Variants in RAB11FIP4 observed in about 807,000 individuals in gnomAD.
RAB11FIP4 encodes the protein rab11 family-interacting protein 4.
A neutral mutation model predicts 74.3 loss-of-function variants in RAB11FIP4; 23 were observed. The ratio of observed to expected loss-of-function variants is 0.31; its 90% CI spans 0.22 to 0.44. RAB11FIP4 has a LOEUF of 0.44. Ranked by LOEUF, RAB11FIP4 falls within the 20% of genes least tolerant of loss-of-function variation. RAB11FIP4 has a pLI of 1.00. For missense variants in RAB11FIP4, 630 were observed against 863.9 expected (o/e 0.73, Z 3.39); for synonymous variants, 360 against 359.9 (o/e 1.00, Z 0.00).
intron 3 of RAB11FIP4, among the ~76,000 whole-genome samples, chr17:31,439,013 C>A (rs570713026): frequency 2.0e-5 from 3 of 152,162 alleles, no homozygotes; most frequent in African/African-American, 4.8e-5. Context: ...TCTGCCCCAG[C>A]CCAAAGGAGA....
chr17:31,481,512 A>T (rs1050138957), intron 3 of RAB11FIP4, among the ~76,000 whole-genome samples: 2 of 152,038 alleles, frequency 1.3e-5, no homozygotes, highest in Non-Finnish European at 2.9e-5. Context: ...CAAGTCTGGG[A>T]GGAGGTGGGG....
chr17:31,462,524 T>G (rs1364982866), intron 3 of RAB11FIP4, among the ~76,000 whole-genome samples: 2 of 152,220 alleles, frequency 1.3e-5, no homozygotes, highest in Non-Finnish European at 2.9e-5. Context: ...CGAGGTCTCA[T>G]AGCTGGCTGG....
intron 1 of RAB11FIP4, among the ~76,000 whole-genome samples, chr17:31,396,247 G>T (rs932825669): frequency 1.3e-4 from 19 of 151,734 alleles, no homozygotes; most frequent in African/African-American, 4.4e-4. Flanking sequence ...GAGGGATGGG[G>T]GCACACCACT....
At chr17:31,455,884 G>A (rs1391667547) in intron 3 of RAB11FIP4, among the ~76,000 whole-genome samples, 1 of 152,156 alleles carries the variant, frequency 6.6e-6, no homozygotes, top group Admixed American at 6.5e-5. Flanking sequence ...CACCTTCAGG[G>A]CTGACGCTCC....
rs2072753448 is a variant in RAB11FIP4 at position 31,525,661 on chromosome 17, C to G, written c.1274+431C>G. Reference sequence around the variant, plus strand: ...TCATTGGAACGTGACGCAGGCGGGACAAGGAGCAGCCCCGGGCCAGGGATC... The same window carrying G: ...TCATTGGAACGTGACGCAGGCGGGAGAAGGAGCAGCCCCGGGCCAGGGATC... On this transcript the variant is annotated intron_variant, in intron 10 of 14. Transcript: ENST00000621161. 3 of 184,320 alleles carry G rather than the reference C, an allele frequency of 1.6e-5. No individual in the cohort carries two copies. In the South Asian group the frequency reaches 3.0e-4, roughly 19 times the overall value. The allele number at this position is 184,320 out of a possible 1,614,324, so 11.4% of individuals were successfully genotyped here.
chr17:31,395,161 C>A (rs1235578705), intron 1 of RAB11FIP4, among the ~76,000 whole-genome samples: 4 of 151,902 alleles, frequency 2.6e-5, no homozygotes, highest in Admixed American at 6.6e-5. Flanking sequence ...TTTGCAAAAA[C>A]CAAAATATAC....
intron 3 of RAB11FIP4, among the ~76,000 whole-genome samples, chr17:31,486,983 T>A (rs1042691547): frequency 6.6e-6 from 1 of 152,076 alleles, no homozygotes; most frequent in African/African-American, 2.4e-5. Context: ...TGTGTGTGCA[T>A]GTGTGGGTGT....
chr17:31,475,342 C>T (rs1362863181), intron 3 of RAB11FIP4, among the ~76,000 whole-genome samples: 3 of 152,144 alleles, frequency 2.0e-5, no homozygotes, highest in Non-Finnish European at 2.9e-5. Context: ...TGGTGCGCTT[C>T]AAACCTGACT....
chr17:31,397,766 G>C (rs1048351708), intron 1 of RAB11FIP4, among the ~76,000 whole-genome samples: 2 of 152,206 alleles, frequency 1.3e-5, no homozygotes, highest in African/African-American at 2.4e-5. Flanking sequence ...ACGAGTCCTA[G>C]CTGGGGCACC....
At chr17:31,428,020 A>C (rs568112751) in intron 1 of RAB11FIP4, among the ~76,000 whole-genome samples, 2 of 152,200 alleles carry the variant, frequency 1.3e-5, no homozygotes, top group Non-Finnish European at 2.9e-5. Flanking sequence ...AGGTTCAGGG[A>C]GGTTCACAGA....
rs181422720 is a variant in RAB11FIP4, at chr17:31,489,141, T to C, written c.337-28510T>C. On this transcript the variant is annotated intron_variant, in intron 3 of 14. Coordinates refer to ENST00000621161, the MANE Select transcript of RAB11FIP4 (RefSeq NM_032932.6). ...GAGGTCTGGGTCCTGTCTCTGCACTTAGCCTCCACCAGGTCTTGGAGTGGC... is the reference window on the plus strand; with the variant it reads ...GAGGTCTGGGTCCTGTCTCTGCACTCAGCCTCCACCAGGTCTTGGAGTGGC... Among the ~76,000 whole-genome samples, 257 of 152,348 alleles carry C rather than the reference T, an allele frequency of 1.7e-3. 1 individual carries two copies. Among genetic ancestry groups the C allele is most frequent in the African/African-American group, 5.8e-3 (241 of 41,594 alleles).
intron 1 of RAB11FIP4, among the ~76,000 whole-genome samples, chr17:31,404,873 G>A (rs907838791): frequency 2.6e-4 from 39 of 152,230 alleles, no homozygotes; most frequent in African/African-American, 9.1e-4. Context: ...GGATGGCGGG[G>A]CTGAGTTTGG....
At chr17:31,513,909 C>T (rs1483739818) in intron 3 of RAB11FIP4, among the ~76,000 whole-genome samples, 1 of 152,194 alleles carries the variant, frequency 6.6e-6, no homozygotes, top group East Asian at 1.9e-4. Context: ...CACTCTGAGC[C>T]TCATCTTCCC....
intron 1 of RAB11FIP4, 115 bp downstream of exon 1, chr17:31,392,126 A>G: frequency 1.4e-6 from 1 of 729,422 alleles, no homozygotes; most frequent in South Asian, 6.5e-5. Flanking sequence ...CTCCCTCCCA[A>G]TCCCCTCCCT....
chr17:31,523,946 T>C lies in RAB11FIP4; in HGVS notation c.1083T>C (p.Asn361=), dbSNP rs2072717372. Residue 361 remains asparagine, a synonymous_variant, in exon 9 of 15, where the codon AAT becomes AAC. Transcript: ENST00000621161. ...AGCTGGAGAATGACAGCCTGACCAA[T>C]GGGGACCTGAAGAGCAAGCTGAAGC... ...VTELENDSLT[N]GDLKSKLKQE... is the part of the protein sequence containing the mutation. 2.5e-6 allele frequency: 4 copies of C among 1,612,214 alleles called. No individual in the cohort carries two copies. Among genetic ancestry groups the C allele is most frequent in the East Asian group, 2.2e-5 (1 of 44,842 alleles).
At chr17:31,433,259 G>A (rs982332097) in intron 2 of RAB11FIP4, among the ~76,000 whole-genome samples, 8 of 152,182 alleles carry the variant, frequency 5.3e-5, no homozygotes, top group African/African-American at 1.9e-4. Flanking sequence ...CAGGGTGTCT[G>A]CTTATCTGTG....
chr17:31,393,358 G>A (rs1022822494), intron 1 of RAB11FIP4, among the ~76,000 whole-genome samples: 1 of 152,218 alleles, frequency 6.6e-6, no homozygotes, highest in African/African-American at 2.4e-5. Context: ...CAGACTCCTG[G>A]CATGGGGATA....
At chr17:31,452,978 C>G (rs970986935) in intron 3 of RAB11FIP4, among the ~76,000 whole-genome samples, 1 of 152,128 alleles carries the variant, frequency 6.6e-6, no homozygotes, top group East Asian at 1.9e-4. Context: ...GAGGCATTAC[C>G]GAGAGGTTTC....
chr17:31,401,589 G>T (rs1336573917), intron 1 of RAB11FIP4, among the ~76,000 whole-genome samples: 2 of 152,250 alleles, frequency 1.3e-5, no homozygotes, highest in Non-Finnish European at 2.9e-5. Context: ...CACTGCAGTT[G>T]CTGTGGCTCA....
Sources: gnomAD v4.1 joint callset for allele counts (sites outside exome capture counted in the v4.1 genomes callset) on GRCh38, gnomAD v4.1.1 for gene constraint, MANE v1.5 for transcripts, NCBI Gene and HGNC (gene_info 2026-07-23, HGNC 2026-07-21) for gene names.